METTL15: variants seen among roughly 807,000 people sequenced by gnomAD.
The protein encoded by METTL15 is 12S rRNA N(4)-cytidine methyltransferase METTL15.
Under a neutral mutation model 38.3 loss-of-function variants are expected in METTL15, and 34 were observed. That is an observed-to-expected ratio of 0.89 (90% CI 0.68 to 1.18). The LOEUF is 1.18. Among genes scored for constraint, METTL15 ranks in the 50% most tolerant of loss-of-function variants. The pLI is 0.00. For missense variants in METTL15, 438 were observed against 498.4 expected (o/e 0.88, Z 1.15); for synonymous variants, 162 against 170.9 (o/e 0.95, Z 0.41).
At chr11:28,278,408 C>A (rs538713160) in intron 4 of METTL15, among the ~76,000 whole-genome samples, 1 of 152,150 alleles carries the variant, frequency 6.6e-6, no homozygotes, top group Non-Finnish European at 1.5e-5. Flanking sequence ...ATTTTCTAAT[C>A]TGTTTTATAA....
At chr11:28,188,828 A>C (rs1434923666) in intron 3 of METTL15, among the ~76,000 whole-genome samples, 2 of 151,244 alleles carry the variant, frequency 1.3e-5, no homozygotes, top group Non-Finnish European at 3.0e-5. Context: ...CTTATACTGG[A>C]AAGTGTCATT....
intron 4 of METTL15, among the ~76,000 whole-genome samples, chr11:28,232,040 G>T (rs565712008): frequency 6.6e-6 from 1 of 151,786 alleles, no homozygotes; most frequent in East Asian, 1.9e-4. Flanking sequence ...TAGATATAAT[G>T]GGCTGAGTTC....
chr11:28,429,375 C>CCCTCTT (rs1207414812), intron 6 of METTL15, among the ~76,000 whole-genome samples: 3 of 130,156 alleles, frequency 2.3e-5, no homozygotes, highest in Admixed American at 1.6e-4. Context: ...CTCTCCCTCT[C>CCCTCTT]CCTCTCCCTC....
chr11:28,207,608 A>T (rs1852411028), intron 3 of METTL15, among the ~76,000 whole-genome samples: 1 of 152,044 alleles, frequency 6.6e-6, no homozygotes, highest in African/African-American at 2.4e-5. Flanking sequence ...TGGTGTCAGG[A>T]TGATGCTGGC....
chr11:28,393,988 GTGTT>G (rs1850541377), intron 5 of METTL15, among the ~76,000 whole-genome samples: 1 of 140,488 alleles, frequency 7.1e-6, no homozygotes. Context: ...GTGTATGTGT[GTGTT>G]TGTGTATGTG....
chr11:28,285,649 G>C (rs1488840491), intron 4 of METTL15, among the ~76,000 whole-genome samples: 7 of 152,140 alleles, frequency 4.6e-5, no homozygotes, highest in Non-Finnish European at 8.8e-5. Flanking sequence ...GCTCAATTCA[G>C]TGGCCTGGTT....
At chr11:28,432,576 G>C (rs1043196846) in intron 6 of METTL15, among the ~76,000 whole-genome samples, 2 of 152,196 alleles carry the variant, frequency 1.3e-5, no homozygotes, top group Non-Finnish European at 2.9e-5. Flanking sequence ...GAGTTTTAGT[G>C]TTAGACAAAT....
chr11:28,256,588 C>G (rs2048851216), intron 4 of METTL15, among the ~76,000 whole-genome samples: 1 of 151,898 alleles, frequency 6.6e-6, no homozygotes, highest in Admixed American at 6.6e-5. Context: ...CTTGAATCTT[C>G]TCTCTTTTTT....
At chr11:28,377,983 G>C (rs560110202) in intron 5 of METTL15, among the ~76,000 whole-genome samples, 2 of 152,222 alleles carry the variant, frequency 1.3e-5, no homozygotes, top group African/African-American at 4.8e-5. Context: ...TCAGGGGTCA[G>C]GGACCCACTT....
chr11:28,310,348 A>T (rs1380137021), intron 6 of METTL15, among the ~76,000 whole-genome samples: 1 of 144,326 alleles, frequency 6.9e-6, no homozygotes, highest in Non-Finnish European at 1.5e-5. Context: ...AAATGTTCAG[A>T]GGTACACACA....
chr11:28,227,015 A>G (rs1853507421), intron 4 of METTL15, among the ~76,000 whole-genome samples: 1 of 151,930 alleles, frequency 6.6e-6, no homozygotes, highest in South Asian at 2.1e-4. Flanking sequence ...AAACATTACG[A>G]AAATAGGATA....
At chr11:28,512,771 G>A (rs1011209992) in intron 6 of METTL15, among the ~76,000 whole-genome samples, 2 of 152,234 alleles carry the variant, frequency 1.3e-5, no homozygotes, top group East Asian at 1.9e-4. Flanking sequence ...AGCCCAGAAA[G>A]GGGCTCCCAC....
chr11:28,415,100 A>C lies in METTL15; in HGVS notation c.*359-9199A>C, dbSNP rs1037019513. Among the ~76,000 whole-genome samples, 16 of 152,242 alleles carry C rather than the reference A, an allele frequency of 1.1e-4. 1 individual carries two copies. The highest frequency in any genetic ancestry group is 1.0e-3 in the Admixed American group (16 of 15,282). ...ATATGTTTTGAAGTGGATGAAATATATGATTAAATCCCAGAGTAGGGTGAG... is the reference window on the plus strand; with the variant it reads ...ATATGTTTTGAAGTGGATGAAATATCTGATTAAATCCCAGAGTAGGGTGAG... On this transcript the variant is annotated intron_variant and NMD_transcript_variant, in intron 5 of 7. Transcript: ENST00000532947.
At chr11:28,157,851 G>T (rs903944449) in intron 3 of METTL15, among the ~76,000 whole-genome samples, 1 of 152,116 alleles carries the variant, frequency 6.6e-6, no homozygotes, top group South Asian at 2.1e-4. Context: ...AGTTGACAGC[G>T]GAAGAGAAGA....
intron 4 of METTL15, 87 bp from the exon 5 acceptor site, chr11:28,290,118 AG>A: frequency 9.3e-7 from 1 of 1,073,086 alleles, no homozygotes; most frequent in Non-Finnish European, 1.3e-6. Flanking sequence ...ATGTAATAAT[AG>A]AATGTGCTCC....
chr11:28,244,128 C>T lies in METTL15; in HGVS notation c.407+32930C>T, dbSNP rs796568570. On this transcript the variant is annotated intron_variant, in intron 4 of 6. Transcript: ENST00000407364. ...AAAAACAAAAACAAAAAACCAAGAA[C>T]ATACAACTAAAAAGCAAGGGAATTA... Among the ~76,000 whole-genome samples, 9 of 152,250 alleles carry T rather than the reference C, an allele frequency of 5.9e-5. 1 individual carries two copies. The highest frequency in any genetic ancestry group is 2.2e-4 in the African/African-American group (9 of 41,566).
chr11:28,522,014 C>T lies in METTL15; in HGVS notation c.*425-4464C>T. Reference sequence around the variant, plus strand: ...CATCTGTTTTCTGTTGGGACCCTGACTAATACAGGTGTGTAGTAATGAGGT... The same window carrying T: ...CATCTGTTTTCTGTTGGGACCCTGATTAATACAGGTGTGTAGTAATGAGGT... On this transcript the variant is annotated intron_variant and NMD_transcript_variant, in intron 6 of 7. Coordinates refer to the METTL15 transcript ENST00000532947. Among the ~76,000 whole-genome samples, 2 of 152,288 alleles carry T rather than the reference C, an allele frequency of 1.3e-5. 1 individual carries two copies. Among genetic ancestry groups the T allele is most frequent in the Middle Eastern group, 6.8e-3 (2 of 294 alleles).
At chr11:28,392,227 A>C (rs1381398524) in intron 5 of METTL15, among the ~76,000 whole-genome samples, 1 of 152,000 alleles carries the variant, frequency 6.6e-6, no homozygotes, top group African/African-American at 2.4e-5. Context: ...GACACTTTTC[A>C]AAGAAATAAA....
intron 4 of METTL15, among the ~76,000 whole-genome samples, chr11:28,285,926 G>A (rs73438514): frequency 0.13 from 19,528 of 152,058 alleles, 1,551 homozygotes; most frequent in East Asian, 0.28. Flanking sequence ...ACCAATTATA[G>A]TGGGCCATTG....
Sources: allele counts gnomAD v4.1 joint callset (sites outside exome capture counted in the v4.1 genomes callset), GRCh38; gene constraint gnomAD v4.1.1; transcripts MANE v1.5; gene names NCBI Gene and HGNC (gene_info 2026-07-23, HGNC 2026-07-21).